The following KHDRBS2 variants were observed in gnomAD, a reference collection of about 807,000 sequenced individuals.
KHDRBS2 encodes KH domain-containing, RNA-binding, signal transduction-associated protein 2.
Under a neutral mutation model 44.3 loss-of-function variants are expected in KHDRBS2, and 26 were observed. The ratio of observed to expected loss-of-function variants is 0.59; its 90% CI spans 0.43 to 0.81. The LOEUF (loss-of-function observed/expected upper bound fraction) is 0.81. KHDRBS2 is among the 40% of genes least tolerant of loss of function. The probability of loss-of-function intolerance (pLI) is 0.00; values close to 1 mark genes in which losing one functional copy is unlikely to be tolerated. For missense variants in KHDRBS2, 476 were observed against 433.1 expected, an observed-to-expected ratio of 1.10 and a Z score of -0.88; for synonymous variants, 194 against 151.1, an observed-to-expected ratio of 1.28 and a Z score of -2.08.
chr6:61,993,954 C>T (rs1241479483), intron 3 of KHDRBS2, among the ~76,000 whole-genome samples: 1 of 151,948 alleles, frequency 6.6e-6, no homozygotes, highest in Admixed American at 6.6e-5. Flanking sequence ...GTCAAACTCA[C>T]ACGTGATAAT....
At chr6:62,177,383 T>G in intron 1 of KHDRBS2, 71 bp from the exon 2 acceptor site, 2 of 1,192,880 alleles carry the variant, frequency 1.7e-6, no homozygotes, top group Non-Finnish European at 2.3e-6. Context: ...CTGAAAAATG[T>G]TATCATAAAT....
the KHDRBS2 span, among the ~76,000 whole-genome samples, chr6:61,606,468 G>A: frequency 6.6e-6 from 1 of 152,126 alleles, no homozygotes; most frequent in Non-Finnish European, 1.5e-5. Context: ...AGGAGAAACA[G>A]GAGAAAAGGC....
chr6:62,105,801 A>AT (rs564727195), intron 2 of KHDRBS2, among the ~76,000 whole-genome samples: 1 of 151,474 alleles, frequency 6.6e-6, no homozygotes, highest in African/African-American at 2.4e-5. Flanking sequence ...GATTTTAGTT[A>AT]TTTTTTGCCT....
chr6:61,877,161 A>T (rs1583292075), intron 6 of KHDRBS2, among the ~76,000 whole-genome samples: 1 of 151,968 alleles, frequency 6.6e-6, no homozygotes. Flanking sequence ...CTGGCCTTTT[A>T]TTTATAGGCA....
intron 4 of KHDRBS2, among the ~76,000 whole-genome samples, chr6:61,955,977 A>G (rs1021495668): frequency 6.6e-6 from 1 of 152,042 alleles, no homozygotes; most frequent in African/African-American, 2.4e-5. Flanking sequence ...CTAGCTATAG[A>G]TCTCATACGT....
chr6:61,952,480 C>G (rs1314221619), intron 4 of KHDRBS2, among the ~76,000 whole-genome samples: 1 of 152,088 alleles, frequency 6.6e-6, no homozygotes, highest in Non-Finnish European at 1.5e-5. Flanking sequence ...AAATTCAAAA[C>G]TAATAAGTAC....
chr6:61,545,621 A>C, the KHDRBS2 span, among the ~76,000 whole-genome samples: 1 of 151,884 alleles, frequency 6.6e-6, no homozygotes, highest in African/African-American at 2.4e-5. Flanking sequence ...GAATATGTTG[A>C]GTGAGAAAAG....
At chr6:61,663,019 G>T in the KHDRBS2 span, among the ~76,000 whole-genome samples, 5 of 151,998 alleles carry the variant, frequency 3.3e-5, no homozygotes, top group Non-Finnish European at 5.9e-5. Context: ...AACAATGATA[G>T]ACTGGATGAA....
intron 6 of KHDRBS2, among the ~76,000 whole-genome samples, chr6:61,769,905 C>A (rs554748727): frequency 7.9e-5 from 12 of 152,314 alleles, no homozygotes; most frequent in Non-Finnish European, 1.5e-4. Flanking sequence ...GGGTCCCTGA[C>A]CCCCAAGTAG....
chr6:61,942,394 A>G (rs1490649312), intron 4 of KHDRBS2, among the ~76,000 whole-genome samples: 1 of 152,182 alleles, frequency 6.6e-6, no homozygotes, highest in African/African-American at 2.4e-5. Flanking sequence ...CATAAAAAGA[A>G]CAAAACAAAA....
the KHDRBS2 span, among the ~76,000 whole-genome samples, chr6:61,663,508 T>TAG: frequency 1.1e-5 from 1 of 89,580 alleles, no homozygotes; most frequent in African/African-American, 4.5e-5. Context: ...ACCATATATA[T>TAG]ATATATATAT....
At chr6:61,749,214 C>T (rs1475151373) in intron 6 of KHDRBS2, among the ~76,000 whole-genome samples, 6 of 151,698 alleles carry the variant, frequency 4.0e-5, no homozygotes, top group Admixed American at 6.6e-5. Flanking sequence ...GGGGTTCCGC[C>T]GTGTTAGCCA....
intron 4 of KHDRBS2, among the ~76,000 whole-genome samples, chr6:61,945,112 A>ATT: frequency 2.1e-5 from 1 of 48,408 alleles, no homozygotes; most frequent in South Asian, 9.1e-4. Context: ...AAAAAAAAAA[A>ATT]GTATATATAT....
intron 6 of KHDRBS2, among the ~76,000 whole-genome samples, chr6:61,845,954 C>T (rs1212514683): frequency 6.6e-6 from 1 of 152,126 alleles, no homozygotes. Context: ...TGTTCAGCTC[C>T]ATTCTCTAGG....
chr6:61,902,158 T>A (rs1180744810), intron 4 of KHDRBS2, among the ~76,000 whole-genome samples: 1 of 152,130 alleles, frequency 6.6e-6, no homozygotes. Context: ...TTCGCCATGT[T>A]GGCTGGTCTC....
chr6:61,772,965 T>C (rs1042273245), intron 6 of KHDRBS2, among the ~76,000 whole-genome samples: 4 of 152,220 alleles, frequency 2.6e-5, no homozygotes, highest in East Asian at 3.8e-4. Flanking sequence ...ACAAAGGACC[T>C]GAACTCATCA....
the KHDRBS2 span, among the ~76,000 whole-genome samples, chr6:61,577,795 T>A: frequency 1.3e-5 from 2 of 152,190 alleles, no homozygotes; most frequent in Admixed American, 6.6e-5. Flanking sequence ...CTGGGGCAGC[T>A]AAAATACTAC....
chr6:61,578,622 A>C, the KHDRBS2 span, among the ~76,000 whole-genome samples: 1 of 152,184 alleles, frequency 6.6e-6, no homozygotes, highest in East Asian at 1.9e-4. Flanking sequence ...TTCATCAAAT[A>C]AGAAGTGGGC....
At chr6:61,786,895 C>T (rs1011545316) in intron 6 of KHDRBS2, among the ~76,000 whole-genome samples, 2 of 151,570 alleles carry the variant, frequency 1.3e-5, no homozygotes, top group African/African-American at 4.8e-5. Flanking sequence ...TTATTTTGAG[C>T]TTATTTTAAT....
Sources: allele counts gnomAD v4.1 joint callset (sites outside exome capture counted in the v4.1 genomes callset), GRCh38; gene constraint gnomAD v4.1.1; transcripts MANE v1.5; gene names NCBI Gene and HGNC (gene_info 2026-07-23, HGNC 2026-07-21).